IQCK: variants seen among roughly 807,000 people sequenced by gnomAD.
IQCK encodes the protein IQ domain-containing protein K.
In IQCK, 29 loss-of-function variants were observed where a neutral mutation model predicts 28.1. The observed-to-expected ratio is 1.03, with a 90% CI of 0.77 to 1.41. The LOEUF (loss-of-function observed/expected upper bound fraction) is 1.41. IQCK is among the 40% of genes most tolerant of loss of function. The pLI, the probability that IQCK is intolerant of heterozygous loss-of-function variation, is 0.00. For synonymous variants in IQCK, 113 were observed against 115.1 expected (o/e 0.98, Z 0.12); for missense variants, 359 against 314.7 (o/e 1.14, Z -1.07).
chr16:19,833,428 G>A (rs1466266017), intron 9 of IQCK, among the ~76,000 whole-genome samples: 1 of 152,132 alleles, frequency 6.6e-6, no homozygotes, highest in African/African-American at 2.4e-5. Context: ...ATAGAAATAT[G>A]GCTCTGAGCT....
intron 9 of IQCK, among the ~76,000 whole-genome samples, chr16:19,840,712 A>G (rs893238806): frequency 5.9e-5 from 9 of 152,316 alleles, no homozygotes; most frequent in Non-Finnish European, 1.2e-4. Flanking sequence ...GTCAAACAGT[A>G]TATCTGGGGC....
intron 6 of IQCK, among the ~76,000 whole-genome samples, chr16:19,777,283 C>A (rs1222799246): frequency 2.0e-5 from 3 of 152,062 alleles, no homozygotes; most frequent in African/African-American, 7.2e-5. Context: ...ACAAAAGTGT[C>A]ACTGTGTCGT....
chr16:19,805,735 A>T (rs918728796), intron 7 of IQCK, among the ~76,000 whole-genome samples: 1 of 152,192 alleles, frequency 6.6e-6, no homozygotes, highest in Non-Finnish European at 1.5e-5. Flanking sequence ...ATTCATAGAA[A>T]CCAGGCATTG....
At chr16:19,765,336 G>A (rs201672047) in intron 6 of IQCK, among the ~76,000 whole-genome samples, 3 of 151,408 alleles carry the variant, frequency 2.0e-5, no homozygotes, top group South Asian at 4.2e-4. Flanking sequence ...TCAGGAGTTC[G>A]AGACCAGCCT....
chr16:19,807,575 T>A (rs2055849699), intron 7 of IQCK, among the ~76,000 whole-genome samples: 1 of 152,198 alleles, frequency 6.6e-6, no homozygotes, highest in Non-Finnish European at 1.5e-5. Flanking sequence ...CCAGACCTCC[T>A]GAATCAAAAT....
At chr16:19,756,896 C>CA (rs34600488) in intron 4 of IQCK, among the ~76,000 whole-genome samples, 38,756 of 95,756 alleles carry the variant, frequency 0.4, 7,761 homozygotes, top group African/African-American at 0.62. Flanking sequence ...GGCTCCATGT[C>CA]AAAAAAAAAA....
chr16:19,815,496 AAAAAC>A (rs374060728), intron 7 of IQCK, among the ~76,000 whole-genome samples: 33 of 151,850 alleles, frequency 2.2e-4, no homozygotes, highest in East Asian at 1.5e-3. Context: ...ACAATTAGGA[AAAAAC>A]AAAACAAAAC....
rs374189542 is a variant in IQCK, at chr16:19,811,080, T to G, written c.691-15946T>G. The stretch of plus-strand genomic sequence containing the variant: ...TAGTGGATTGCTTGAGTTCAGGAGC[T>G]TGAGACCAGCCTGGGGAACATGGCA... On this transcript the variant is annotated intron_variant, in intron 7 of 7. Coordinates refer to ENST00000564186, the Ensembl canonical transcript of IQCK. 3.3e-5 allele frequency among the ~76,000 whole-genome samples: 5 copies of G among 152,146 alleles called. No homozygotes were observed. The East Asian group carries it at 7.7e-4, about 23-fold the overall frequency.
chr16:19,806,196 G>A (rs766070186), intron 7 of IQCK, among the ~76,000 whole-genome samples: 1 of 152,104 alleles, frequency 6.6e-6, no homozygotes, highest in Admixed American at 6.6e-5. Flanking sequence ...TGGATGTATT[G>A]AGGACCAGCA....
chr16:19,806,043 G>A (rs951557835), intron 7 of IQCK, among the ~76,000 whole-genome samples: 52 of 152,184 alleles, frequency 3.4e-4, no homozygotes, highest in Non-Finnish European at 8.8e-5. Flanking sequence ...AGCCTGAAAA[G>A]ACATCTCGGC....
chr16:19,815,665 T>C (rs181963727), intron 7 of IQCK, among the ~76,000 whole-genome samples: 5 of 152,336 alleles, frequency 3.3e-5, no homozygotes, highest in Admixed American at 3.3e-4. Flanking sequence ...AGCAAGATCC[T>C]GTCTCAAAAA....
chr16:19,774,835 A>G (rs1424393214), intron 6 of IQCK, among the ~76,000 whole-genome samples: 4 of 152,206 alleles, frequency 2.6e-5, no homozygotes, highest in Non-Finnish European at 5.9e-5. Context: ...GTATAGTTGG[A>G]TTGAAGTATA....
intron 4 of IQCK, among the ~76,000 whole-genome samples, chr16:19,762,494 A>G (rs1428297425): frequency 6.6e-6 from 1 of 152,200 alleles, no homozygotes; most frequent in African/African-American, 2.4e-5. Flanking sequence ...AATGTCAGAA[A>G]ATGTGCTTAT....
chr16:19,813,075 G>T (rs576101511), intron 7 of IQCK, among the ~76,000 whole-genome samples: 1 of 152,320 alleles, frequency 6.6e-6, no homozygotes, highest in South Asian at 2.1e-4. Flanking sequence ...CTGATCCATG[G>T]ACCATATTTT....
chr16:19,737,321 G>A (rs940757524), intron 4 of IQCK, among the ~76,000 whole-genome samples: 11 of 152,064 alleles, frequency 7.2e-5, no homozygotes, highest in Non-Finnish European at 8.8e-5. Context: ...GCCTACTGCC[G>A]TGCTGGTACT....
chr16:19,821,738 G>A (rs2056074615), intron 7 of IQCK, among the ~76,000 whole-genome samples: 1 of 152,006 alleles, frequency 6.6e-6, no homozygotes, highest in Non-Finnish European at 1.5e-5. Context: ...AATGTTCATA[G>A]CAACCCTGTT....
intron 4 of IQCK, among the ~76,000 whole-genome samples, chr16:19,740,741 C>T (rs531899644): frequency 6.6e-6 from 1 of 152,052 alleles, no homozygotes; most frequent in African/African-American, 2.4e-5. Flanking sequence ...GAGGCTGAGG[C>T]ATGTGGATCA....
downstream of IQCK, chr16:19,827,317 A>G (rs536225905): frequency 1.9e-5 from 11 of 593,964 alleles, no homozygotes; most frequent in Non-Finnish European, 3.0e-5. Flanking sequence ...GTGATGTGAT[A>G]TAATTTACAG....
chr16:19,783,022 G>A (rs1567555607), intron 6 of IQCK, among the ~76,000 whole-genome samples: 2 of 148,782 alleles, frequency 1.3e-5, no homozygotes, highest in East Asian at 2.0e-4. Context: ...TGTGTGAGAC[G>A]GAGTCTTGTT....
Sources: allele counts gnomAD v4.1 joint callset (sites outside exome capture counted in the v4.1 genomes callset), GRCh38; gene constraint gnomAD v4.1.1; transcripts MANE v1.5; gene names NCBI Gene and HGNC (gene_info 2026-07-23, HGNC 2026-07-21).